Variants in DPP10 observed in about 807,000 individuals in gnomAD.
The protein encoded by DPP10 is dipeptidyl peptidase like 10, also known as inactive dipeptidyl peptidase 10.
A neutral mutation model predicts 120.9 loss-of-function variants in DPP10; 33 were observed. The observed-to-expected ratio is 0.27, with a 90% CI of 0.21 to 0.37. The LOEUF is 0.37. Among genes scored for constraint, DPP10 ranks in the 10% least tolerant of loss-of-function variants. DPP10 has a pLI of 1.00. For missense variants in DPP10, 816 were observed against 942.8 expected (o/e 0.87, Z 1.76); for synonymous variants, 337 against 326.1 (o/e 1.03, Z -0.36).
intron 1 of DPP10, among the ~76,000 whole-genome samples, chr2:114,926,885 A>G (rs1314402103): frequency 7.3e-6 from 1 of 137,228 alleles, no homozygotes; most frequent in African/African-American, 2.8e-5. Flanking sequence ...GAGTCTCGCT[A>G]TGTCCCCCAG....
At chr2:115,228,285 C>T (rs1455526409) in intron 1 of DPP10, among the ~76,000 whole-genome samples, 1 of 151,940 alleles carries the variant, frequency 6.6e-6, no homozygotes, top group African/African-American at 2.4e-5. Flanking sequence ...TACAGGAATA[C>T]AATGCATACC....
intron 7 of DPP10, among the ~76,000 whole-genome samples, chr2:115,700,447 T>C (rs142629303): frequency 6.6e-6 from 1 of 152,096 alleles, no homozygotes; most frequent in Admixed American, 6.5e-5. Flanking sequence ...ATAATAAATG[T>C]CATCATGTAT....
chr2:115,061,897 C>T (rs561495302), intron 1 of DPP10, among the ~76,000 whole-genome samples: 3 of 152,006 alleles, frequency 2.0e-5, no homozygotes, highest in African/African-American at 7.2e-5. Context: ...TTTTCATTTC[C>T]TTTCTAGTAC....
chr2:114,837,418 C>A (rs969466483), intron 1 of DPP10, among the ~76,000 whole-genome samples: 3 of 152,112 alleles, frequency 2.0e-5, no homozygotes, highest in African/African-American at 4.8e-5. Flanking sequence ...TGAGGGCAGG[C>A]TCTTTATCTT....
chr2:114,968,196 A>G (rs1699166487), intron 1 of DPP10, among the ~76,000 whole-genome samples: 1 of 152,158 alleles, frequency 6.6e-6, no homozygotes, highest in African/African-American at 2.4e-5. Flanking sequence ...TGTTGATAAT[A>G]TCTTCATGTC....
intron 1 of DPP10, among the ~76,000 whole-genome samples, chr2:114,523,187 T>C (rs147140313): frequency 6.6e-6 from 1 of 152,302 alleles, no homozygotes; most frequent in East Asian, 1.9e-4. Flanking sequence ...TCTGATCCCA[T>C]AGAGAGTTCT....
chr2:114,583,500 T>C (rs1409390258), intron 1 of DPP10, among the ~76,000 whole-genome samples: 1 of 152,232 alleles, frequency 6.6e-6, no homozygotes, highest in Non-Finnish European at 1.5e-5. Context: ...CAGAATTGAA[T>C]ATATGTATAA....
intron 1 of DPP10, among the ~76,000 whole-genome samples, chr2:115,155,069 T>A (rs1032553255): frequency 2.2e-4 from 33 of 149,726 alleles, no homozygotes; most frequent in Admixed American, 2.0e-4. Context: ...TTTTATTTAT[T>A]TTTTTTTTTT....
chr2:115,190,251 G>A (rs2105220222), intron 1 of DPP10, among the ~76,000 whole-genome samples: 1 of 152,230 alleles, frequency 6.6e-6, no homozygotes, highest in South Asian at 2.1e-4. Flanking sequence ...TTGATCTTGG[G>A]TTTTAAATTC....
intron 1 of DPP10, among the ~76,000 whole-genome samples, chr2:114,547,706 G>C (rs1687533551): frequency 1.3e-5 from 2 of 152,196 alleles, no homozygotes; most frequent in Admixed American, 1.3e-4. Flanking sequence ...GCATACATAG[G>C]TGACATAAGA....
At chr2:115,663,950 G>A (rs371052508) in intron 5 of DPP10, among the ~76,000 whole-genome samples, 143 of 151,876 alleles carry the variant, frequency 9.4e-4, no homozygotes, top group African/African-American at 1.6e-3. Flanking sequence ...AGCCGAGATC[G>A]TGCCATTGCA....
intron 1 of DPP10, among the ~76,000 whole-genome samples, chr2:115,244,233 TATATATAGAGAGAGAGAGAGAGAG>T (rs2058422796): frequency 6.8e-5 from 3 of 44,398 alleles, no homozygotes; most frequent in East Asian, 4.4e-4. Flanking sequence ...TATATATATA[TATATATAGAGAGAGAGAGAGAGAG>T]AGAGAGAGAG....
intron 13 of DPP10, among the ~76,000 whole-genome samples, chr2:115,774,503 T>C (rs1346008041): frequency 6.6e-6 from 1 of 152,148 alleles, no homozygotes; most frequent in East Asian, 1.9e-4. Context: ...GGCAATAAAA[T>C]GTATGACTTT....
intron 1 of DPP10, among the ~76,000 whole-genome samples, chr2:114,689,043 G>A (rs917164134): frequency 7.3e-5 from 11 of 151,152 alleles, no homozygotes; most frequent in Admixed American, 2.6e-4. Context: ...CCCCTCCGTG[G>A]TTTGTTTTTT....
chr2:115,130,307 GTCTC>G (rs1166911156), intron 1 of DPP10, among the ~76,000 whole-genome samples: 1 of 152,086 alleles, frequency 6.6e-6, no homozygotes, highest in Admixed American at 6.5e-5. Flanking sequence ...CAGTTGTCTG[GTCTC>G]TCTGTCACCT....
intron 5 of DPP10, among the ~76,000 whole-genome samples, chr2:115,688,979 C>T (rs2091161799): frequency 6.6e-6 from 1 of 152,092 alleles, no homozygotes; most frequent in South Asian, 2.1e-4. Flanking sequence ...CAAGAAATAC[C>T]AGTTGAATGC....
At chr2:114,443,338 T>TAG (rs572974786) in intron 1 of DPP10, among the ~76,000 whole-genome samples, 1 of 152,106 alleles carries the variant, frequency 6.6e-6, no homozygotes, top group Non-Finnish European at 1.5e-5. Flanking sequence ...GATGAAAGAC[T>TAG]AGAGAGAGAG....
At chr2:115,004,515 C>A (rs1016769596) in intron 1 of DPP10, among the ~76,000 whole-genome samples, 1 of 152,144 alleles carries the variant, frequency 6.6e-6, no homozygotes, top group Non-Finnish European at 1.5e-5. Context: ...GTGCGTGCAC[C>A]GTGCGCGAGC....
chr2:115,291,532 C>T (rs1373771523), intron 1 of DPP10, among the ~76,000 whole-genome samples: 1 of 152,092 alleles, frequency 6.6e-6, no homozygotes, highest in East Asian at 1.9e-4. Flanking sequence ...CTGCTAGATA[C>T]TCATATCACA....
Sources: gnomAD v4.1 joint callset for allele counts (sites outside exome capture counted in the v4.1 genomes callset) on GRCh38, gnomAD v4.1.1 for gene constraint, MANE v1.5 for transcripts, NCBI Gene and HGNC (gene_info 2026-07-23, HGNC 2026-07-21) for gene names.